CAMTA1: variants seen among roughly 807,000 people sequenced by gnomAD.
CAMTA1 encodes the protein calmodulin-binding transcription activator 1.
CAMTA1 carries 27 observed loss-of-function variants against 170.9 expected under a neutral mutation model. That is an observed-to-expected ratio of 0.16 (90% CI 0.12 to 0.22). The LOEUF (loss-of-function observed/expected upper bound fraction) is 0.22, where lower values mean the gene tolerates loss of function less well. Among genes scored for constraint, CAMTA1 ranks in the 10% least tolerant of loss-of-function variants. The probability of loss-of-function intolerance (pLI) is 1.00; values close to 1 mark genes in which losing one functional copy is unlikely to be tolerated. For synonymous variants in CAMTA1, 833 were observed against 891.5 expected, an observed-to-expected ratio of 0.93 and a Z score of 1.17; for missense variants, 1,619 against 2,217.2, an observed-to-expected ratio of 0.73 and a Z score of 5.42.
intron 3 of CAMTA1, among the ~76,000 whole-genome samples, chr1:6,838,938 G>C (rs1361909278): frequency 6.6e-6 from 1 of 152,010 alleles, no homozygotes; most frequent in Non-Finnish European, 1.5e-5. Context: ...TTTATTTTTT[G>C]TGGAGACAGG....
At chr1:7,150,776 G>A (rs1426257417) in intron 4 of CAMTA1, among the ~76,000 whole-genome samples, 3 of 152,170 alleles carry the variant, frequency 2.0e-5, no homozygotes, top group African/African-American at 4.8e-5. Context: ...CGTGCCTTCC[G>A]GATGCTTCGA....
At chr1:7,733,617 G>A (rs573911488) in intron 12 of CAMTA1, among the ~76,000 whole-genome samples, 27 of 152,138 alleles carry the variant, frequency 1.8e-4, no homozygotes, top group African/African-American at 6.5e-4. Context: ...GGGGACCCTA[G>A]AGATAAATTT....
chr1:6,789,863 T>C (rs1200446307), intron 1 of CAMTA1, among the ~76,000 whole-genome samples: 1 of 142,556 alleles, frequency 7.0e-6, no homozygotes, highest in East Asian at 2.1e-4. Context: ...CAGGCTGGAG[T>C]GCAGTGGCAC....
chr1:7,751,548 A>C (rs2096897506), intron 20 of CAMTA1, among the ~76,000 whole-genome samples, 156 bp downstream of exon 20: 1 of 152,186 alleles, frequency 6.6e-6, no homozygotes, highest in Non-Finnish European at 1.5e-5. Context: ...GTGGCTGATA[A>C]GTACACCTGT....
At chr1:7,206,929 C>T (rs1657844375) in intron 4 of CAMTA1, among the ~76,000 whole-genome samples, 1 of 152,148 alleles carries the variant, frequency 6.6e-6, no homozygotes. Context: ...ATTGCACACC[C>T]CACCCCCGGC....
chr1:6,889,393 A>T (rs1674030208), intron 3 of CAMTA1, among the ~76,000 whole-genome samples: 1 of 152,230 alleles, frequency 6.6e-6, no homozygotes, highest in African/African-American at 2.4e-5. Context: ...GAGGATACAG[A>T]TGTAAAGAAA....
intron 6 of CAMTA1, among the ~76,000 whole-genome samples, chr1:7,576,166 G>A (rs537832307): frequency 6.6e-6 from 1 of 152,106 alleles, no homozygotes; most frequent in African/African-American, 2.4e-5. Context: ...CCACCACCAC[G>A]CCTGGCTAAT....
At chr1:7,559,152 C>T (rs979679185) in intron 6 of CAMTA1, among the ~76,000 whole-genome samples, 3 of 152,148 alleles carry the variant, frequency 2.0e-5, no homozygotes, top group Admixed American at 6.5e-5. Context: ...GCACGGAGGC[C>T]GGCTGTAGGC....
intron 3 of CAMTA1, among the ~76,000 whole-genome samples, chr1:6,866,477 G>C (rs1416214546): frequency 6.6e-6 from 1 of 152,156 alleles, no homozygotes; most frequent in East Asian, 1.9e-4. Context: ...AACAGTCGGT[G>C]AATTTGTCTC....
At chr1:6,997,802 A>G (rs1468213208) in intron 3 of CAMTA1, among the ~76,000 whole-genome samples, 2 of 151,132 alleles carry the variant, frequency 1.3e-5, no homozygotes, top group Admixed American at 1.3e-4. Flanking sequence ...CTGGGATTAC[A>G]GGCGTGCACC....
intron 3 of CAMTA1, among the ~76,000 whole-genome samples, chr1:6,915,894 C>A (rs368172220): frequency 6.6e-6 from 1 of 152,308 alleles, no homozygotes; most frequent in Non-Finnish European, 1.5e-5. Context: ...ACCCCACCAT[C>A]GGTCATTCTT....
Position 7,368,416 on chromosome 1 carries a change from G to A in CAMTA1, c.439-99414G>A, listed in dbSNP as rs115275751. Among the ~76,000 whole-genome samples the A allele has an allele frequency of 9.5e-3, 1,419 of 149,458 alleles. 21 individuals are homozygous for A. The highest frequency in any genetic ancestry group is 0.032 in the African/African-American group (1,285 of 40,598). ...CTGGGCACTCATGCTTTCATTGGGCGCAGGCACTGGGCACTCATGGTTTCA... is the reference window on the plus strand; with the variant it reads ...CTGGGCACTCATGCTTTCATTGGGCACAGGCACTGGGCACTCATGGTTTCA... On this transcript the variant is annotated intron_variant, in intron 5 of 22. Coordinates refer to ENST00000303635, the MANE Select transcript of CAMTA1 (RefSeq NM_015215.4).
At chr1:7,500,531 G>A (rs1041686649) in intron 6 of CAMTA1, among the ~76,000 whole-genome samples, 1 of 152,134 alleles carries the variant, frequency 6.6e-6, no homozygotes, top group Non-Finnish European at 1.5e-5. Flanking sequence ...TCAGGCTACT[G>A]CGCCCACTCT....
intron 19 of CAMTA1, chr1:7,750,948 G>T (rs747176701): frequency 1.6e-6 from 1 of 636,308 alleles, no homozygotes; most frequent in Non-Finnish European, 2.9e-6. Flanking sequence ...TCTCCAAGAA[G>T]GGCAAGATAT....
intron 22 of CAMTA1, among the ~76,000 whole-genome samples, chr1:7,763,473 C>T (rs2096991813): frequency 6.6e-6 from 1 of 152,216 alleles, no homozygotes; most frequent in African/African-American, 2.4e-5. Context: ...CGTGGACATG[C>T]ACCTCTCCTT....
rs564875434 is a variant in CAMTA1, at chr1:6,808,906, A to G, written c.46-11275A>G. On this transcript the variant is annotated intron_variant, in intron 1 of 22. Transcript: ENST00000303635. Reference sequence around the variant, plus strand: ...TGAATGTGGGCCTTGAGGGAAGGTGACTCCTAGGTTTTGAACCATAACTGG... The same window carrying G: ...TGAATGTGGGCCTTGAGGGAAGGTGGCTCCTAGGTTTTGAACCATAACTGG... Among the ~76,000 whole-genome samples the G allele has an allele frequency of 5.3e-5, 8 of 151,940 alleles. No homozygotes were observed. The East Asian group carries it at 1.6e-3, about 29-fold the overall frequency.
At chr1:6,826,146 T>C (rs187082744) in intron 3 of CAMTA1, among the ~76,000 whole-genome samples, 27 of 152,350 alleles carry the variant, frequency 1.8e-4, no homozygotes, top group African/African-American at 5.3e-4. Context: ...TCTTTGGCGC[T>C]AACTACTTCC....
At chr1:7,600,009 G>A (rs2095428047) in intron 6 of CAMTA1, among the ~76,000 whole-genome samples, 2 of 152,156 alleles carry the variant, frequency 1.3e-5, no homozygotes, top group African/African-American at 4.8e-5. Context: ...GTGCATCCCT[G>A]TCTTGTGCCA....
chr1:7,046,194 G>C (rs1705350475), intron 3 of CAMTA1, among the ~76,000 whole-genome samples: 2 of 152,160 alleles, frequency 1.3e-5, no homozygotes, highest in Admixed American at 6.5e-5. Context: ...TTTCCTGCCT[G>C]GTGTGCAGGC....
Sources: gnomAD v4.1 joint callset for allele counts (sites outside exome capture counted in the v4.1 genomes callset) on GRCh38, gnomAD v4.1.1 for gene constraint, MANE v1.5 for transcripts, NCBI Gene and HGNC (gene_info 2026-07-23, HGNC 2026-07-21) for gene names.